The following TMEM196 variants were observed in gnomAD, a reference collection of about 807,000 sequenced individuals.
The protein encoded by TMEM196 is transmembrane protein 196.
In TMEM196, 17 loss-of-function variants were observed where a neutral mutation model predicts 20.0. That is an observed-to-expected ratio of 0.85 (90% CI 0.58 to 1.27). The LOEUF (loss-of-function observed/expected upper bound fraction) is 1.27, where lower values mean the gene tolerates loss of function less well. Among genes scored for constraint, TMEM196 ranks in the 50% most tolerant of loss-of-function variants. The probability of loss-of-function intolerance (pLI) is 0.00; values close to 1 mark genes in which losing one functional copy is unlikely to be tolerated. For synonymous variants in TMEM196, 113 were observed against 88.9 expected (o/e 1.27, Z -1.52); for missense variants, 267 against 223.0 (o/e 1.20, Z -1.26).
chr7:19,741,185 TA>T (rs1443051857), intron 1 of TMEM196, among the ~76,000 whole-genome samples: 2 of 152,154 alleles, frequency 1.3e-5, no homozygotes, highest in Non-Finnish European at 2.9e-5. Flanking sequence ...TCAAACCTCA[TA>T]TGAATCTCCA....
At chr7:19,741,266 A>G (rs1382643222) in intron 1 of TMEM196, among the ~76,000 whole-genome samples, 1 of 152,154 alleles carries the variant, frequency 6.6e-6, no homozygotes, top group Non-Finnish European at 1.5e-5. Flanking sequence ...CAGATCATCT[A>G]CTTGTTATAT....
chr7:19,736,653 G>C (rs1043450855), intron 1 of TMEM196, among the ~76,000 whole-genome samples: 1 of 151,524 alleles, frequency 6.6e-6, no homozygotes, highest in African/African-American at 2.4e-5. Flanking sequence ...TTTACCAATA[G>C]ACCTATTCAT....
At chr7:19,763,051 T>C (rs1464454266) in intron 1 of TMEM196, among the ~76,000 whole-genome samples, 1 of 152,190 alleles carries the variant, frequency 6.6e-6, no homozygotes, top group African/African-American at 2.4e-5. Flanking sequence ...TTGCTTATCT[T>C]TTTACCTTCT....
chr7:19,728,597 ACT>A (rs1784080187), intron 2 of TMEM196, among the ~76,000 whole-genome samples: 1 of 150,784 alleles, frequency 6.6e-6, no homozygotes, highest in Non-Finnish European at 1.5e-5. Context: ...ACCTTGGAAA[ACT>A]CTCTTTAGGC....
chr7:19,735,239 G>C (rs1562611460), intron 1 of TMEM196, among the ~76,000 whole-genome samples: 1 of 151,962 alleles, frequency 6.6e-6, no homozygotes, highest in Admixed American at 6.6e-5. Context: ...TAAACCAACA[G>C]GTATTAGGAA....
At chr7:19,760,375 TTTTG>T (rs1785390020) in intron 1 of TMEM196, among the ~76,000 whole-genome samples, 2 of 144,750 alleles carry the variant, frequency 1.4e-5, no homozygotes, top group African/African-American at 5.2e-5. Flanking sequence ...TTTTTTTTTT[TTTTG>T]AGACGAAGTC....
In TMEM196 at chr7:19,728,196, TTCTC is replaced by T. The variant is rs146391503; in HGVS notation, c.204+1182_204+1185del. 9.7e-3 allele frequency among the ~76,000 whole-genome samples: 1,469 copies of T among 152,108 alleles called. 23 individuals carry two copies. Among genetic ancestry groups the T allele is most frequent in the African/African-American group, 0.033 (1,365 of 41,508 alleles). ...TTTTCCTTCCCTCCCTCCTCTTTCT[TTCTC>T]TCTCTCTTTTTTCTCTTTCTCTTTC... On this transcript the variant is annotated intron_variant, in intron 2 of 4. Transcript: ENST00000405844.
chr7:19,725,254 A>G (rs1783952389), intron 3 of TMEM196, among the ~76,000 whole-genome samples: 1 of 152,244 alleles, frequency 6.6e-6, no homozygotes, highest in Non-Finnish European at 1.5e-5. Flanking sequence ...ATCCATATTT[A>G]TAGGGTATTC....
chr7:19,733,471 G>A (rs533144305), intron 1 of TMEM196, among the ~76,000 whole-genome samples: 88 of 152,302 alleles, frequency 5.8e-4, no homozygotes, highest in African/African-American at 1.9e-3. Context: ...AAGGGAGGAA[G>A]AGACACTGGT....
intron 1 of TMEM196, among the ~76,000 whole-genome samples, chr7:19,754,449 A>C (rs1207239360): frequency 6.6e-6 from 1 of 152,220 alleles, no homozygotes; most frequent in Non-Finnish European, 1.5e-5. Flanking sequence ...ATTTCCAAAA[A>C]GAGAATATGA....
At chr7:19,729,579 T>A (rs2128015787) in intron 1 of TMEM196, 141 bp from the exon 2 acceptor site, 1 of 742,302 alleles carries the variant, frequency 1.3e-6, no homozygotes, top group Admixed American at 3.0e-5. Context: ...GAGGATAAGA[T>A]CTCATTCTAG....
At chr7:19,766,278 T>C (rs1329087355) in intron 1 of TMEM196, among the ~76,000 whole-genome samples, 1 of 152,076 alleles carries the variant, frequency 6.6e-6, no homozygotes, top group Non-Finnish European at 1.5e-5. Flanking sequence ...GCTTTGTACA[T>C]TACAGGGGAA....
intron 1 of TMEM196, among the ~76,000 whole-genome samples, chr7:19,739,745 T>C (rs1784523106): frequency 6.6e-6 from 1 of 152,144 alleles, no homozygotes; most frequent in Non-Finnish European, 1.5e-5. Context: ...ATAAATATGC[T>C]CAACCTCATC....
At chr7:19,772,253 G>C (rs1240820513) in intron 1 of TMEM196, among the ~76,000 whole-genome samples, 2 of 142,946 alleles carry the variant, frequency 1.4e-5, no homozygotes, top group African/African-American at 5.3e-5. Flanking sequence ...GGGCAAAGCA[G>C]CCTTTTGTAG....
At chr7:19,771,189 T>C (rs144636910) in intron 1 of TMEM196, among the ~76,000 whole-genome samples, 3 of 152,266 alleles carry the variant, frequency 2.0e-5, no homozygotes, top group South Asian at 2.1e-4. Context: ...ATTTAAGATA[T>C]CTTTATCCTT....
chr7:19,772,419 C>T (rs1043749314), intron 1 of TMEM196, 131 bp downstream of exon 1: 1 of 1,009,384 alleles, frequency 9.9e-7, no homozygotes, highest in Non-Finnish European at 1.3e-6. Flanking sequence ...CAGCATGAAC[C>T]TACATGCAAG....
chr7:19,771,321 G>A (rs1785870265), intron 1 of TMEM196, among the ~76,000 whole-genome samples: 1 of 152,102 alleles, frequency 6.6e-6, no homozygotes, highest in African/African-American at 2.4e-5. Context: ...TGAATTCAAT[G>A]TTAGGATTGA....
rs116708042 is a variant in TMEM196, at chr7:19,748,678, A to G, written c.148-19240T>C. Among the ~76,000 whole-genome samples the G allele has an allele frequency of 7.6e-3, 1,159 of 152,318 alleles. 18 individuals are homozygous for G. Among genetic ancestry groups the G allele is most frequent in the African/African-American group, 0.026 (1,095 of 41,564 alleles). ...AATTCTAAGAATGCTGAACTCTCCAACGTAAAGACAAGTAAAAGAAATGAG... is the reference window on the plus strand; with the variant it reads ...AATTCTAAGAATGCTGAACTCTCCAGCGTAAAGACAAGTAAAAGAAATGAG... On this transcript the variant is annotated intron_variant, in intron 1 of 4. Transcript: ENST00000405844.
chr7:19,746,328 C>G (rs968551996), intron 1 of TMEM196, among the ~76,000 whole-genome samples: 4 of 152,154 alleles, frequency 2.6e-5, no homozygotes, highest in African/African-American at 9.7e-5. Flanking sequence ...GAGGATAAGA[C>G]TGGTACAAAT....
Sources: allele counts gnomAD v4.1 joint callset (sites outside exome capture counted in the v4.1 genomes callset), GRCh38; gene constraint gnomAD v4.1.1; transcripts MANE v1.5; gene names NCBI Gene and HGNC (gene_info 2026-07-23, HGNC 2026-07-21).